The following ME3 variants were observed in gnomAD, a reference collection of about 807,000 sequenced individuals.
The protein encoded by ME3 is malic enzyme 3.
A neutral mutation model predicts 68.9 loss-of-function variants in ME3; 48 were observed. The ratio of observed to expected loss-of-function variants is 0.70; its 90% CI spans 0.55 to 0.89. The LOEUF is 0.89. ME3 is among the 40% of genes least tolerant of loss of function. The pLI, the probability that ME3 is intolerant of heterozygous loss-of-function variation, is 0.00. For synonymous variants in ME3, 320 were observed against 318.8 expected (o/e 1.00, Z -0.04); for missense variants, 675 against 797.4 (o/e 0.85, Z 1.85).
chr11:86,538,827 A>G (rs1955858085), intron 4 of ME3, among the ~76,000 whole-genome samples: 1 of 152,116 alleles, frequency 6.6e-6, no homozygotes, highest in Non-Finnish European at 1.5e-5. Flanking sequence ...CCCTACATCC[A>G]ACTTTACCTT....
intron 4 of ME3, among the ~76,000 whole-genome samples, chr11:86,517,427 G>T (rs1351210170): frequency 6.6e-6 from 1 of 152,202 alleles, no homozygotes; most frequent in Non-Finnish European, 1.5e-5. Context: ...TTTAGGCATT[G>T]AGATTTTAGG....
At chr11:86,556,344 A>G (rs1172755762) in intron 4 of ME3, among the ~76,000 whole-genome samples, 2 of 152,242 alleles carry the variant, frequency 1.3e-5, no homozygotes, top group South Asian at 2.1e-4. Context: ...AGAAGAGTCA[A>G]TAAACCCTTG....
intron 2 of ME3, among the ~76,000 whole-genome samples, chr11:86,583,159 T>C (rs1470268485): frequency 6.6e-6 from 1 of 151,952 alleles, no homozygotes; most frequent in African/African-American, 2.4e-5. Context: ...CTCAGCCTAA[T>C]CATTCATTCA....
At chr11:86,644,868 T>A (rs1472902917) in intron 2 of ME3, among the ~76,000 whole-genome samples, 1 of 152,134 alleles carries the variant, frequency 6.6e-6, no homozygotes, top group Non-Finnish European at 1.5e-5. Context: ...ACCTGGCTCA[T>A]CTCACTGGGA....
At chr11:86,651,364 C>G (rs1247071571) in intron 2 of ME3, among the ~76,000 whole-genome samples, 2 of 152,206 alleles carry the variant, frequency 1.3e-5, no homozygotes, top group East Asian at 1.9e-4. Context: ...AGACTGACAC[C>G]TCACATGGCC....
chr11:86,506,523 TC>T (rs1238504367), intron 5 of ME3, among the ~76,000 whole-genome samples: 1 of 152,152 alleles, frequency 6.6e-6, no homozygotes, highest in Non-Finnish European at 1.5e-5. Flanking sequence ...CATGATCCCC[TC>T]ACCAAGCCCC....
intron 2 of ME3, among the ~76,000 whole-genome samples, chr11:86,666,622 C>T (rs947430712): frequency 1.3e-5 from 2 of 152,220 alleles, no homozygotes; most frequent in Non-Finnish European, 2.9e-5. Flanking sequence ...TTTGTTCCAA[C>T]ATATCTGAAC....
chr11:86,593,367 G>A (rs774171811), intron 2 of ME3, among the ~76,000 whole-genome samples: 3 of 146,710 alleles, frequency 2.0e-5, no homozygotes, highest in African/African-American at 7.5e-5. Flanking sequence ...CTCGAAAGGT[G>A]TCACATGCTG....
At chr11:86,591,373 T>TA (rs1407790784) in intron 2 of ME3, among the ~76,000 whole-genome samples, 2 of 152,234 alleles carry the variant, frequency 1.3e-5, no homozygotes, top group African/African-American at 4.8e-5. Flanking sequence ...ATAAGTCATT[T>TA]AAAAAGGCAG....
intron 2 of ME3, among the ~76,000 whole-genome samples, chr11:86,660,675 C>T (rs916197974): frequency 1.6e-4 from 24 of 152,186 alleles, no homozygotes; most frequent in Non-Finnish European, 3.5e-4. Flanking sequence ...TTCTAGCTGA[C>T]TACTTTCCTT....
intron 2 of ME3, among the ~76,000 whole-genome samples, chr11:86,574,638 T>A (rs1177266806): frequency 6.6e-6 from 1 of 152,136 alleles, no homozygotes; most frequent in Non-Finnish European, 1.5e-5. Flanking sequence ...CTGATGCCAG[T>A]CAGAACTCTT....
intron 2 of ME3, among the ~76,000 whole-genome samples, chr11:86,648,010 A>G (rs1232808662): frequency 6.6e-6 from 1 of 152,242 alleles, no homozygotes; most frequent in Admixed American, 6.5e-5. Context: ...AATTGGAAGT[A>G]AAATACTCCT....
intron 2 of ME3, among the ~76,000 whole-genome samples, chr11:86,620,932 C>T (rs192044380): frequency 1.3e-5 from 2 of 152,206 alleles, no homozygotes; most frequent in Non-Finnish European, 2.9e-5. Flanking sequence ...GTGCATTTTC[C>T]CAGCAGAGCA....
At chr11:86,626,339 C>A (rs570824572) in intron 2 of ME3, among the ~76,000 whole-genome samples, 1 of 152,130 alleles carries the variant, frequency 6.6e-6, no homozygotes, top group Non-Finnish European at 1.5e-5. Context: ...TGAGTGGCAC[C>A]CAGGGAATGC....
the ME3 span, chr11:86,435,897 G>A: frequency 3.3e-5 from 5 of 152,244 alleles, no homozygotes; most frequent in African/African-American, 1.2e-4. Context: ...TTCCCTTGGG[G>A]ATGATGGCAT....
At chr11:86,540,446 C>T (rs1280861125) in intron 4 of ME3, among the ~76,000 whole-genome samples, 1 of 152,234 alleles carries the variant, frequency 6.6e-6, no homozygotes, top group African/African-American at 2.4e-5. Flanking sequence ...CCTGGTGCCA[C>T]CCCCAGTGGA....
At chr11:86,620,708 A>C (rs1382437138) in intron 2 of ME3, among the ~76,000 whole-genome samples, 1 of 152,258 alleles carries the variant, frequency 6.6e-6, no homozygotes, top group East Asian at 1.9e-4. Flanking sequence ...TTATGCCTTC[A>C]AGAAGATACA....
intron 2 of ME3, among the ~76,000 whole-genome samples, chr11:86,658,174 G>T (rs1946036742): frequency 6.6e-6 from 1 of 151,770 alleles, no homozygotes; most frequent in African/African-American, 2.4e-5. Context: ...GCCCAGGCTG[G>T]AGTGCAGGGC....
chr11:86,663,189 G>A (rs1461748021), intron 2 of ME3, among the ~76,000 whole-genome samples: 1 of 152,208 alleles, frequency 6.6e-6, no homozygotes, highest in South Asian at 2.1e-4. Context: ...TCATTCAACT[G>A]TATCTTCTAA....
Sources: allele counts gnomAD v4.1 joint callset (sites outside exome capture counted in the v4.1 genomes callset), GRCh38; gene constraint gnomAD v4.1.1; transcripts MANE v1.5; gene names NCBI Gene and HGNC (gene_info 2026-07-23, HGNC 2026-07-21).